The following PRKCH variants were observed in gnomAD, a reference collection of about 807,000 sequenced individuals.
The protein encoded by PRKCH is protein kinase C eta.
PRKCH carries 28 observed loss-of-function variants against 82.5 expected under a neutral mutation model. The observed-to-expected ratio is 0.34, with a 90% CI of 0.25 to 0.47. The LOEUF is 0.47. Ranked by LOEUF, PRKCH falls within the 20% of genes least tolerant of loss-of-function variation. The pLI is 1.00. For synonymous variants in PRKCH, 322 were observed against 327.4 expected (o/e 0.98, Z 0.18); for missense variants, 705 against 881.8 (o/e 0.80, Z 2.54).
intron 1 of PRKCH, among the ~76,000 whole-genome samples, chr14:61,235,018 C>T (rs906171419): frequency 6.6e-6 from 1 of 152,198 alleles, no homozygotes; most frequent in African/African-American, 2.4e-5. Flanking sequence ...CCCGTATCCA[C>T]TCATGTTATG....
rs759245010 is a variant in PRKCH at position 61,453,290 on chromosome 14, G to C, written c.897G>C (p.Ala299=). 1 of 1,614,124 alleles carries C rather than the reference G, an allele frequency of 6.2e-7. No individual in the cohort carries two copies. The highest frequency in any genetic ancestry group is 8.5e-7 in the Non-Finnish European group (1 of 1,180,004). ...ANVAPNCGVN[A]VELAKTLAGM... Reference sequence around the variant, plus strand: ...TGGCCCCTAACTGTGGGGTAAATGCGGTGGAACTTGCCAAGACCCTGGCAG... The same window carrying C: ...TGGCCCCTAACTGTGGGGTAAATGCCGTGGAACTTGCCAAGACCCTGGCAG... Residue 299 remains alanine, a synonymous_variant, in exon 7 of 14, where the codon GCG becomes GCC. Transcript: ENST00000332981.
At chr14:61,340,130 G>T (rs2045913773) in intron 1 of PRKCH, among the ~76,000 whole-genome samples, 1 of 151,734 alleles carries the variant, frequency 6.6e-6, no homozygotes, top group South Asian at 2.1e-4. Context: ...GTCTGCAGAT[G>T]CCCTTCCCTG....
At chr14:61,311,663 C>T (rs1456699892) in intron 1 of PRKCH, among the ~76,000 whole-genome samples, 2 of 152,234 alleles carry the variant, frequency 1.3e-5, no homozygotes, top group Non-Finnish European at 2.9e-5. Context: ...CTACAAAGAA[C>T]TGCCTGACAC....
At chr14:61,270,008 G>A (rs1260777994) in intron 1 of PRKCH, among the ~76,000 whole-genome samples, 1 of 152,208 alleles carries the variant, frequency 6.6e-6, no homozygotes, top group Non-Finnish European at 1.5e-5. Context: ...AAGACTCTAT[G>A]ACATGCAAAG....
chr14:61,432,742 G>T (rs756164312), intron 2 of PRKCH, among the ~76,000 whole-genome samples: 4 of 152,156 alleles, frequency 2.6e-5, no homozygotes, highest in Non-Finnish European at 5.9e-5. Flanking sequence ...ACCAGGCACA[G>T]AAAGAATACA....
rs118035008 is a variant in PRKCH at position 61,472,920 on chromosome 14, C to A, written c.1279-12582C>A. On this transcript the variant is annotated intron_variant, in intron 9 of 13. Coordinates refer to ENST00000332981, the MANE Select transcript of PRKCH (RefSeq NM_006255.5). ...GCATTATGTGCCAGGGATGAAGACA[C>A]AAGAACAAAATGTGGACCTGCCTTT... Among the ~76,000 whole-genome samples, 677 of 152,250 alleles carry A rather than the reference C, an allele frequency of 4.4e-3. 7 individuals are homozygous for A. The highest frequency in any genetic ancestry group is 7.0e-3 in the Non-Finnish European group (479 of 68,024).
chr14:61,288,385 G>A (rs974386086), intron 1 of PRKCH, among the ~76,000 whole-genome samples: 1 of 152,140 alleles, frequency 6.6e-6, no homozygotes, highest in African/African-American at 2.4e-5. Context: ...ATGAGCTGTG[G>A]TGACAAGCCT....
At chr14:61,503,293 G>GTTTT (rs779965799) in intron 10 of PRKCH, among the ~76,000 whole-genome samples, 1 of 138,212 alleles carries the variant, frequency 7.2e-6, no homozygotes, top group African/African-American at 2.6e-5. Context: ...TGTGTTAGTG[G>GTTTT]TTTTTTTTTT....
In PRKCH at chr14:61,252,594, C is replaced by T. The variant is rs573918962; in HGVS notation, c.-19+64926C>T. Among the ~76,000 whole-genome samples the T allele has an allele frequency of 5.3e-5, 8 of 152,266 alleles. No homozygotes were observed. The South Asian group carries it at 1.0e-3, about 20-fold the overall frequency. On this transcript the variant is annotated intron_variant, in intron 1 of 3. Transcript: ENST00000555185. The stretch of plus-strand genomic sequence containing the variant: ...CCTGGACAAATGGAAACAGAGGCAA[C>T]GTGACTTCCCCTTTCCCTATTTGCA...
intron 9 of PRKCH, among the ~76,000 whole-genome samples, chr14:61,465,769 A>G (rs78506757): frequency 0.025 from 3,851 of 152,288 alleles, 188 homozygotes; most frequent in African/African-American, 0.087. Context: ...GTACACTTCA[A>G]TAATATACTA....
rs900541690 is a variant in PRKCH at position 61,408,448 on chromosome 14, T to C, written c.427+17160T>C. On this transcript the variant is annotated intron_variant, in intron 2 of 13. Coordinates refer to ENST00000332981, the MANE Select transcript of PRKCH (RefSeq NM_006255.5). ...AGTCAAAATTTCCTGGGAATTGCTA[T>C]TGGGGATCTGTAGCTGTGCTGGAGA... is the stretch of plus-strand genomic sequence containing the variant. Among the ~76,000 whole-genome samples the C allele has an allele frequency of 2.0e-5, 3 of 152,282 alleles. No individual in the cohort carries two copies. In the South Asian group the frequency reaches 6.2e-4, roughly 32 times the overall value.
chr14:61,353,948 T>G (rs917975207), intron 1 of PRKCH: 3 of 151,912 alleles, frequency 2.0e-5, no homozygotes, highest in African/African-American at 2.4e-5. Context: ...GAAAAAATAA[T>G]AATAAGAAGA....
intron 12 of PRKCH, among the ~76,000 whole-genome samples, chr14:61,531,204 T>C (rs72712377): frequency 0.049 from 7,511 of 152,280 alleles, 241 homozygotes; most frequent in South Asian, 0.078. Flanking sequence ...TGCCTTTGAA[T>C]TGAGGATAAA....
chr14:61,310,181 C>G (rs2045511889), intron 1 of PRKCH, among the ~76,000 whole-genome samples: 1 of 152,198 alleles, frequency 6.6e-6, no homozygotes, highest in South Asian at 2.1e-4. Flanking sequence ...CATTTCAAAA[C>G]CAATCATGCC....
intron 10 of PRKCH, among the ~76,000 whole-genome samples, chr14:61,489,799 G>T (rs886145963): frequency 3.3e-5 from 5 of 152,202 alleles, no homozygotes; most frequent in African/African-American, 1.2e-4. Context: ...AAAAGTAAGG[G>T]AAACAAAGGG....
At chr14:61,547,174 A>T (rs905982083) in intron 12 of PRKCH, among the ~76,000 whole-genome samples, 5 of 152,222 alleles carry the variant, frequency 3.3e-5, no homozygotes, top group African/African-American at 1.2e-4. Flanking sequence ...TCTTCGCTGC[A>T]TAAAGAAAAG....
At chr14:61,314,299 C>G (rs560193432) in intron 1 of PRKCH, among the ~76,000 whole-genome samples, 39 of 152,164 alleles carry the variant, frequency 2.6e-4, no homozygotes, top group African/African-American at 9.2e-4. Context: ...TTCCAGGGTT[C>G]ACACTATTGC....
At chr14:61,372,838 G>A (rs567070961) in intron 1 of PRKCH, among the ~76,000 whole-genome samples, 7 of 152,056 alleles carry the variant, frequency 4.6e-5, no homozygotes, top group Admixed American at 2.6e-4. Context: ...AGTTCTATGG[G>A]TTTTAACAAA....
At chr14:61,497,897 A>G (rs1886739044) in intron 10 of PRKCH, among the ~76,000 whole-genome samples, 1 of 152,224 alleles carries the variant, frequency 6.6e-6, no homozygotes, top group African/African-American at 2.4e-5. Flanking sequence ...GATAAACACC[A>G]GCACATCAAC....
Sources: gnomAD v4.1 joint callset for allele counts (sites outside exome capture counted in the v4.1 genomes callset) on GRCh38, gnomAD v4.1.1 for gene constraint, MANE v1.5 for transcripts, NCBI Gene and HGNC (gene_info 2026-07-23, HGNC 2026-07-21) for gene names.